FGF14: variants seen among roughly 807,000 people sequenced by gnomAD.
FGF14 encodes fibroblast growth factor 14, also known as fibroblast growth factor homologous factor 4.
FGF14 carries 5 observed loss-of-function variants against 25.5 expected under a neutral mutation model. The ratio of observed to expected loss-of-function variants is 0.20; its 90% CI spans 0.10 to 0.41. The LOEUF (loss-of-function observed/expected upper bound fraction) is 0.41, where lower values mean the gene tolerates loss of function less well. FGF14 is among the 10% of genes least tolerant of loss of function. FGF14 has a pLI of 1.00. For synonymous variants in FGF14, 138 were observed against 118.3 expected (o/e 1.17, Z -1.08); for missense variants, 222 against 320.1 (o/e 0.69, Z 2.34).
exon 1 of FGF14, chr13:102,401,770 G>A: frequency 9.1e-7 from 1 of 1,103,632 alleles, no homozygotes; most frequent in Non-Finnish European, 1.3e-6. Context: ...TTTGTTTTCG[G>A]CCAGGGTGAA....
At chr13:101,835,334 A>T (rs2042872390) in intron 3 of FGF14, among the ~76,000 whole-genome samples, 2 of 151,956 alleles carry the variant, frequency 1.3e-5, no homozygotes, top group African/African-American at 2.4e-5. Flanking sequence ...ACTTGATGAA[A>T]CTGGACAGTT....
intron 3 of FGF14, among the ~76,000 whole-genome samples, chr13:101,749,606 C>T (rs533158597): frequency 1.3e-4 from 20 of 152,134 alleles, no homozygotes; most frequent in African/African-American, 4.6e-4. Context: ...GTTTTCTCTA[C>T]ATGTGTGTTA....
intron 3 of FGF14, among the ~76,000 whole-genome samples, chr13:101,789,916 A>T (rs1225713743): frequency 6.6e-6 from 1 of 151,650 alleles, no homozygotes; most frequent in Non-Finnish European, 1.5e-5. Context: ...ATTATTAATA[A>T]TAATGCCCTT....
chr13:101,935,430 T>A (rs1414808518), intron 1 of FGF14, among the ~76,000 whole-genome samples: 1 of 152,212 alleles, frequency 6.6e-6, no homozygotes, highest in African/African-American at 2.4e-5. Flanking sequence ...TGAATTGCAG[T>A]TCCCATAATC....
upstream of FGF14, among the ~76,000 whole-genome samples, chr13:101,921,123 A>G (rs2033974455): frequency 6.6e-6 from 1 of 152,038 alleles, no homozygotes; most frequent in South Asian, 2.1e-4. Flanking sequence ...ATGGCTTGCC[A>G]ACAGATTTTT....
chr13:102,110,815 C>G (rs1256572700), intron 1 of FGF14, among the ~76,000 whole-genome samples: 1 of 152,096 alleles, frequency 6.6e-6, no homozygotes, highest in African/African-American at 2.4e-5. Context: ...TCCTCTCTAC[C>G]CTGCAATTGT....
At chr13:102,204,163 T>A (rs1330817571) in intron 1 of FGF14, among the ~76,000 whole-genome samples, 1 of 152,192 alleles carries the variant, frequency 6.6e-6, no homozygotes, top group Non-Finnish European at 1.5e-5. Flanking sequence ...CAGATAAACT[T>A]AGGAGGTAGG....
chr13:101,992,710 T>C (rs376099789), intron 1 of FGF14, among the ~76,000 whole-genome samples: 9 of 152,060 alleles, frequency 5.9e-5, no homozygotes, highest in African/African-American at 2.2e-4. Flanking sequence ...ATTTATTTAA[T>C]GGGCCCATCA....
chr13:101,750,924 C>G (rs2037228956), intron 3 of FGF14, among the ~76,000 whole-genome samples: 1 of 152,054 alleles, frequency 6.6e-6, no homozygotes, highest in Admixed American at 6.6e-5. Flanking sequence ...GTAAGAGAAG[C>G]CAGTCTGAAA....
chr13:102,222,410 G>A (rs1031067820), intron 1 of FGF14, among the ~76,000 whole-genome samples: 12 of 152,136 alleles, frequency 7.9e-5, no homozygotes, highest in Non-Finnish European at 1.3e-4. Flanking sequence ...TTTGAAAGTT[G>A]AAGGCATTAT....
intron 1 of FGF14, among the ~76,000 whole-genome samples, chr13:102,322,882 A>G (rs1283562510): frequency 6.6e-6 from 1 of 151,994 alleles, no homozygotes; most frequent in African/African-American, 2.4e-5. Flanking sequence ...CAAACTTAAC[A>G]TTAAAAAAAA....
intron 1 of FGF14, among the ~76,000 whole-genome samples, chr13:101,943,998 CA>C (rs58695952): frequency 0.043 from 3,628 of 85,224 alleles, 79 homozygotes; most frequent in African/African-American, 0.099. Flanking sequence ...AACTCCGTCT[CA>C]AAAAAAAAAA....
intron 1 of FGF14, among the ~76,000 whole-genome samples, chr13:102,067,082 A>T (rs2042934804): frequency 6.6e-6 from 1 of 152,198 alleles, no homozygotes. Context: ...GGAGCATAGC[A>T]GGGCTTATGA....
chr13:101,986,482 T>C lies in FGF14; in HGVS notation c.209-111186A>G, dbSNP rs183384225. 1.4e-3 allele frequency among the ~76,000 whole-genome samples: 208 copies of C among 152,264 alleles called. 1 individual carries two copies. Among genetic ancestry groups the C allele is most frequent in the African/African-American group, 4.8e-3 (200 of 41,564 alleles). ...CAAGCTGTACCCCAGGGAATACTGA[T>C]GTTTGATTAAATATTTATAGGAACC... On this transcript the variant is annotated intron_variant, in intron 1 of 4. Coordinates refer to the FGF14 transcript ENST00000376131.
At chr13:102,200,966 G>C (rs921135274) in intron 1 of FGF14, among the ~76,000 whole-genome samples, 14 of 151,938 alleles carry the variant, frequency 9.2e-5, no homozygotes, top group African/African-American at 3.4e-4. Flanking sequence ...GCCAGGCGTG[G>C]TGGGGGGCGC....
At chr13:101,781,012 T>A (rs2039456251) in intron 3 of FGF14, among the ~76,000 whole-genome samples, 1 of 152,094 alleles carries the variant, frequency 6.6e-6, no homozygotes, top group African/African-American at 2.4e-5. Context: ...TCCATCTTCC[T>A]AATGATCCTC....
chr13:101,876,519 A>G (rs151179075), intron 1 of FGF14, among the ~76,000 whole-genome samples: 22 of 152,280 alleles, frequency 1.4e-4, no homozygotes, highest in Non-Finnish European at 2.4e-4. Context: ...ATCTATTTCT[A>G]TGCACATCAT....
intron 1 of FGF14, among the ~76,000 whole-genome samples, chr13:102,254,093 A>G (rs2052328944): frequency 6.6e-6 from 1 of 152,204 alleles, no homozygotes; most frequent in South Asian, 2.1e-4. Flanking sequence ...AGAGGGAAAG[A>G]CTGGTTGGTG....
At chr13:101,759,014 G>T (rs2037833432) in intron 3 of FGF14, among the ~76,000 whole-genome samples, 1 of 152,210 alleles carries the variant, frequency 6.6e-6, no homozygotes, top group Non-Finnish European at 1.5e-5. Context: ...ACCAAATCTT[G>T]GTTTAGAGCA....
Sources: gnomAD v4.1 joint callset for allele counts (sites outside exome capture counted in the v4.1 genomes callset) on GRCh38, gnomAD v4.1.1 for gene constraint, MANE v1.5 for transcripts, NCBI Gene and HGNC (gene_info 2026-07-23, HGNC 2026-07-21) for gene names.